Variants in CHST15 observed in about 807,000 individuals in gnomAD.
CHST15 encodes the protein carbohydrate sulfotransferase 15, also known as B cell RAG associated protein (GALNAC4S-6ST).
CHST15 carries 30 observed loss-of-function variants against 53.6 expected under a neutral mutation model. The observed-to-expected ratio is 0.56, with a 90% CI of 0.42 to 0.76. The LOEUF (loss-of-function observed/expected upper bound fraction) is 0.76, where lower values mean the gene tolerates loss of function less well. Among genes scored for constraint, CHST15 ranks in the 30% least tolerant of loss-of-function variants. The pLI is 0.00. For missense variants in CHST15, 627 were observed against 740.5 expected (o/e 0.85, Z 1.78); for synonymous variants, 296 against 289.8 (o/e 1.02, Z -0.22).
intron 5 of CHST15, among the ~76,000 whole-genome samples, chr10:124,023,305 T>C (rs1946862435): frequency 6.6e-6 from 1 of 151,856 alleles, no homozygotes; most frequent in African/African-American, 2.4e-5. Context: ...GGCAACATAG[T>C]GAAACCTTGT....
rs372081290 is a variant in CHST15, at chr10:124,045,739, G to A, written c.474C>T (p.Ser158=). The A allele has an allele frequency of 6.2e-7, 1 of 1,614,030 alleles. No individual in the cohort carries two copies. Among genetic ancestry groups the A allele is most frequent in the African/African-American group, 1.3e-5 (1 of 74,922 alleles). ...DYPSIKLIIN[S]ITTRIEFTTR... ...TCGTGAACTCAATCCTAGTTGTGAT[G>A]CTGTTGATAATTAATTTAATGCTTG... Residue 158 remains serine, a synonymous_variant, in exon 2 of 8, where the codon AGC becomes AGT. Coordinates refer to ENST00000435907, the MANE Select transcript of CHST15 (RefSeq NM_001270764.2).
intron 7 of CHST15, chr10:124,011,150 A>G (rs1946407667): frequency 8.5e-6 from 8 of 940,866 alleles, no homozygotes; most frequent in Non-Finnish European, 1.0e-5. Context: ...TGCGACCCCA[A>G]CGCCCCGCCC....
At chr10:124,037,234 G>C (rs1204717753) in intron 5 of CHST15, among the ~76,000 whole-genome samples, 1 of 152,150 alleles carries the variant, frequency 6.6e-6, no homozygotes, top group Non-Finnish European at 1.5e-5. Flanking sequence ...ATACACACTG[G>C]GGGAGACAAC....
chr10:124,044,584 G>A lies in CHST15; in HGVS notation c.882C>T (p.Arg294=). 6.6e-7 allele frequency: 1 copy of A among 1,522,778 alleles called. No homozygotes were observed. Among genetic ancestry groups the A allele is most frequent in the East Asian group, 2.4e-5 (1 of 41,372 alleles). 94.3% of individuals were successfully genotyped at this position (1,522,778 alleles called of 1,614,324 possible). ...IKEPHWWTRK[R]FGIVRLRDGL... ...GCCCTGGGACCCAGCACTCACCAAA[G>A]CGCTTCCGGGTCCACCAGTGTGGCT... Residue 294 remains arginine, a synonymous_variant, in exon 3 of 8, where the codon CGC becomes CGT. Coordinates refer to ENST00000435907, the MANE Select transcript of CHST15 (RefSeq NM_001270764.2).
Position 124,007,887 on chromosome 10 carries a change from G to T in CHST15, c.*2262C>A. 8.1e-7 allele frequency: 1 copy of T among 1,232,112 alleles called. No individual in the cohort carries two copies. Among genetic ancestry groups the T allele is most frequent in the South Asian group, 4.1e-5 (1 of 24,304 alleles). 76.3% of individuals were successfully genotyped at this position (1,232,112 alleles called of 1,614,324 possible). On this transcript the variant is annotated 3_prime_UTR_variant, in exon 8 of 8. Coordinates refer to ENST00000435907, the MANE Select transcript of CHST15 (RefSeq NM_001270764.2). ...GCTCCAATTTGCTTTGGTTTTGAATGGCAGGCTCGAGAACCACCGCCCAGA... is the reference window on the plus strand; with the variant it reads ...GCTCCAATTTGCTTTGGTTTTGAATTGCAGGCTCGAGAACCACCGCCCAGA...
intron 1 of CHST15, among the ~76,000 whole-genome samples, chr10:124,085,936 G>A (rs927909353): frequency 4.6e-5 from 7 of 152,174 alleles, no homozygotes; most frequent in African/African-American, 1.7e-4. Context: ...CCAGGTCCAG[G>A]CCCGGCTGGC....
chr10:124,045,232 C>T (rs1947951123), intron 2 of CHST15, among the ~76,000 whole-genome samples: 2 of 151,320 alleles, frequency 1.3e-5, no homozygotes, highest in African/African-American at 2.4e-5. Flanking sequence ...CACGCACACA[C>T]GGTAATTAAG....
At chr10:124,075,013 T>C (rs1191105617) in intron 1 of CHST15, among the ~76,000 whole-genome samples, 1 of 152,224 alleles carries the variant, frequency 6.6e-6, no homozygotes, top group Non-Finnish European at 1.5e-5. Context: ...TCAAGATTTT[T>C]CCCCTAATAC....
At chr10:124,078,279 C>A (rs893921807) in intron 1 of CHST15, among the ~76,000 whole-genome samples, 1 of 152,202 alleles carries the variant, frequency 6.6e-6, no homozygotes, top group Non-Finnish European at 1.5e-5. Flanking sequence ...GCCTATATTC[C>A]ACGCCCAACT....
intron 1 of CHST15, among the ~76,000 whole-genome samples, chr10:124,062,970 T>G (rs900969777): frequency 1.3e-5 from 2 of 152,084 alleles, no homozygotes; most frequent in African/African-American, 4.8e-5. Flanking sequence ...TGAATAAAAC[T>G]GCTTTGGAGA....
intron 1 of CHST15, among the ~76,000 whole-genome samples, chr10:124,068,780 T>C (rs1365295012): frequency 6.6e-6 from 1 of 152,110 alleles, no homozygotes; most frequent in African/African-American, 2.4e-5. Context: ...AAAAAAGAAG[T>C]CAGAAAGACA....
chr10:124,034,570 C>T (rs1947351381), intron 5 of CHST15, among the ~76,000 whole-genome samples: 1 of 150,258 alleles, frequency 6.7e-6, no homozygotes, highest in Admixed American at 6.6e-5. Context: ...GGGACCCTGG[C>T]TTCATCCCCT....
rs1390229025 is a variant in CHST15 at position 124,074,537 on chromosome 10, CT to C, written c.-513+18931del. On this transcript the variant is annotated intron_variant, in intron 1 of 7. Transcript: ENST00000435907. This position sits in a 1 kb window ranked among gnomAD's most constrained non-coding sequence, Gnocchi z 4.4. ...CTGGGTCCAGGCACCTCACTGGGGA[CT>C]TACATAACATCCCCCTGCACACCCA... 6.6e-6 allele frequency among the ~76,000 whole-genome samples: 1 copy of C among 152,094 alleles called. No homozygotes were observed. The highest frequency in any genetic ancestry group is 1.9e-4 in the East Asian group (1 of 5,186).
chr10:124,025,389 C>T (rs566527397), intron 5 of CHST15, among the ~76,000 whole-genome samples: 1 of 152,200 alleles, frequency 6.6e-6, no homozygotes, highest in Non-Finnish European at 1.5e-5. Context: ...GCTCCTTCCT[C>T]GGCTGGATGA....
chr10:124,064,087 A>C (rs1224156522), intron 1 of CHST15, among the ~76,000 whole-genome samples: 2 of 152,352 alleles, frequency 1.3e-5, no homozygotes, highest in East Asian at 1.9e-4. Flanking sequence ...GAAGAGTGGA[A>C]TCTTTCTCAT....
intron 1 of CHST15, among the ~76,000 whole-genome samples, chr10:124,062,974 T>C (rs567576728): frequency 2.0e-5 from 3 of 152,222 alleles, no homozygotes; most frequent in African/African-American, 7.2e-5. Flanking sequence ...TAAAACTGCT[T>C]TGGAGAGGCT....
At chr10:124,035,719 G>A (rs1254513521) in intron 5 of CHST15, among the ~76,000 whole-genome samples, 3 of 152,246 alleles carry the variant, frequency 2.0e-5, no homozygotes, top group Non-Finnish European at 2.9e-5. Flanking sequence ...CTGCCTGGAA[G>A]GCTTCATCTT....
At chr10:124,077,349 T>A (rs1590354365) in intron 1 of CHST15, among the ~76,000 whole-genome samples, 1 of 152,320 alleles carries the variant, frequency 6.6e-6, no homozygotes, top group East Asian at 1.9e-4. Context: ...TCGAACAGCA[T>A]CTTCTCTAAT....
intron 1 of CHST15, among the ~76,000 whole-genome samples, chr10:124,087,371 A>G (rs1282310258): frequency 6.6e-6 from 1 of 152,140 alleles, no homozygotes; most frequent in African/African-American, 2.4e-5. Flanking sequence ...ACAGGGAGCA[A>G]AAGGGTCCGG....
Sources: gnomAD v4.1 joint callset for allele counts (sites outside exome capture counted in the v4.1 genomes callset) on GRCh38, gnomAD v4.1.1 for gene constraint, Gnocchi (gnomAD v3.1) non-coding constraint, MANE v1.5 for transcripts, NCBI Gene and HGNC (gene_info 2026-07-23, HGNC 2026-07-21) for gene names.